SERPIND1: variants seen among roughly 807,000 people sequenced by gnomAD.
The protein encoded by SERPIND1 is heparin cofactor 2.
SERPIND1 carries 34 observed loss-of-function variants against 35.0 expected under a neutral mutation model. The observed-to-expected ratio is 0.97, with a 90% CI of 0.74 to 1.29. SERPIND1 has a LOEUF of 1.29. SERPIND1 is among the 50% of genes most tolerant of loss of function. SERPIND1 has a pLI of 0.00. For missense variants in SERPIND1, 633 were observed against 637.7 expected (o/e 0.99, Z 0.08); for synonymous variants, 236 against 241.1 (o/e 0.98, Z 0.19).
At chr22:20,777,390 G>C (rs2147467809) in intron 1 of SERPIND1, among the ~76,000 whole-genome samples, 1 of 152,094 alleles carries the variant, frequency 6.6e-6, no homozygotes, top group South Asian at 2.1e-4. Flanking sequence ...TAATTTTTTT[G>C]TATTTTTTGT....
rs1411402099 is a variant in SERPIND1, at chr22:20,780,029, A to T, written c.717A>T (p.Lys239Asn). The change falls in exon 2 of 5, where the codon AAA becomes AAT. Residue 239 changes from lysine (K) to asparagine (N), a missense_variant. By Grantham distance (94) the Lys-to-Asn change is moderately conservative. Transcript: ENST00000215727. The stretch of plus-strand genomic sequence containing the variant: ...CAATCCTGCTTGACTTCAAAACTAA[A>T]GTAAGAGAGTATTACTTTGCTGAGG... ...QFPILLDFKT[K>N]VREYYFAEAQ... 3 of 1,614,004 alleles carry T rather than the reference A, an allele frequency of 1.9e-6. No individual in the cohort carries two copies. Among genetic ancestry groups the T allele is most frequent in the African/African-American group, 2.7e-5 (2 of 74,922 alleles).
chr22:20,774,747 T>A (rs147209978), intron 1 of SERPIND1, among the ~76,000 whole-genome samples: 5 of 142,662 alleles, frequency 3.5e-5, no homozygotes, highest in African/African-American at 1.3e-4. Flanking sequence ...GACAACAGAG[T>A]TAGACTCCGT....
chr22:20,775,733 T>G (rs1355455594), intron 1 of SERPIND1, among the ~76,000 whole-genome samples: 1 of 152,178 alleles, frequency 6.6e-6, no homozygotes, highest in Non-Finnish European at 1.5e-5. Context: ...CAAGCGATCC[T>G]CCTGCCTTGG....
chr22:20,784,329 A>G, intron 3 of SERPIND1, 84 bp downstream of exon 3: 2 of 1,577,190 alleles, frequency 1.3e-6, no homozygotes, highest in Non-Finnish European at 1.7e-6. Flanking sequence ...CATTTTTTTA[A>G]AAAGGGAGAA....
intron 1 of SERPIND1, among the ~76,000 whole-genome samples, chr22:20,776,370 G>T (rs190115554): frequency 6.6e-6 from 1 of 152,102 alleles, no homozygotes; most frequent in Admixed American, 6.5e-5. Flanking sequence ...CTGTTTTCCC[G>T]TGTGTAAACT....
At chr22:20,774,775 A>AG (rs989991097) in intron 1 of SERPIND1, among the ~76,000 whole-genome samples, 3 of 148,164 alleles carry the variant, frequency 2.0e-5, no homozygotes, top group Admixed American at 6.8e-5. Flanking sequence ...AAAAAAAAAA[A>AG]GAAGAAAAAA....
chr22:20,783,869 C>A, intron 2 of SERPIND1, 103 bp from the exon 3 acceptor site: 1 of 1,499,226 alleles, frequency 6.7e-7, no homozygotes, highest in Non-Finnish European at 9.3e-7. Flanking sequence ...GCTCTGCAGG[C>A]TATCTGAATG....
At chr22:20,775,534 CTATCT>C (rs1419210285) in intron 1 of SERPIND1, among the ~76,000 whole-genome samples, 1 of 152,234 alleles carries the variant, frequency 6.6e-6, no homozygotes, top group Non-Finnish European at 1.5e-5. Flanking sequence ...CTCTGCCACT[CTATCT>C]GGCCTCAGAT....
chr22:20,779,053 T>C lies in SERPIND1; in HGVS notation c.-16-244T>C, dbSNP rs140596238. On this transcript the variant is annotated intron_variant, in intron 1 of 4. Transcript: ENST00000215727. Reference sequence around the variant, plus strand: ...TCTAGAAGGTTAGTTTTGCAAACCTTTAAAGAAGGGATTTTCATCAAGGGG... The same window carrying C: ...TCTAGAAGGTTAGTTTTGCAAACCTCTAAAGAAGGGATTTTCATCAAGGGG... The C allele has an allele frequency of 2.9e-4, 256 of 876,676 alleles. 3 individuals carry two copies. The East Asian group carries it at 7.9e-3, about 27-fold the overall frequency. The allele number at this position is 876,676 out of a possible 1,614,324, so 54.3% of individuals were successfully genotyped here.
At chr22:20,783,513 A>AG (rs1347454380) in intron 2 of SERPIND1, among the ~76,000 whole-genome samples, 1 of 150,948 alleles carries the variant, frequency 6.6e-6, no homozygotes, top group Non-Finnish European at 1.5e-5. Context: ...CTGGGGAGGG[A>AG]GGCTGAGGCA....
chr22:20,779,929 C>T lies in SERPIND1; in HGVS notation c.617C>T (p.Thr206Ile), dbSNP rs375270208. Residue 206 changes from threonine to isoleucine, a missense_variant, in exon 2 of 5, where the codon ACT becomes ATT. By Grantham distance (89) the Thr-to-Ile change is moderately conservative. Coordinates refer to ENST00000215727, the MANE Select transcript of SERPIND1 (RefSeq NM_000185.4). The part of the protein sequence containing the change: ...TTIHNLFRKL[T>I]HRLFRRNFGY... ...ATTCATAATCTCTTCCGTAAGCTGA[C>T]TCATCGCCTCTTCAGGAGGAATTTT... 1.2e-5 allele frequency: 20 copies of T among 1,614,102 alleles called. No individual in the cohort carries two copies. Among genetic ancestry groups the T allele is most frequent in the Non-Finnish European group, 1.7e-5 (20 of 1,180,048 alleles).
intron 4 of SERPIND1, among the ~76,000 whole-genome samples, chr22:20,786,547 A>G (rs546643388): frequency 1.3e-5 from 2 of 152,324 alleles, no homozygotes; most frequent in Non-Finnish European, 2.9e-5. Context: ...ACACCAGTCC[A>G]AACAGTGCAG....
intron 2 of SERPIND1, among the ~76,000 whole-genome samples, chr22:20,780,557 C>G (rs1933693040): frequency 6.6e-6 from 1 of 152,094 alleles, no homozygotes; most frequent in African/African-American, 2.4e-5. Flanking sequence ...CACTTGAGGT[C>G]AGGAGTTCGA....
Position 20,786,960 on chromosome 22 carries a change from C to A in SERPIND1, c.1394C>A (p.Thr465Asn), listed in dbSNP as rs1934289632. ...ACGGTGGGGTTCATGCCGCTGTCCA[C>A]CCAAGTCCGCTTCACTGTCGACCGC... The part of the protein sequence containing the change: ...VTTVGFMPLS[T>N]QVRFTVDRPF... The change falls in exon 5 of 5, where the codon ACC becomes AAC. Residue 465 changes from threonine to asparagine, a missense_variant. By Grantham distance (65) the Thr-to-Asn change is moderately conservative. Coordinates refer to ENST00000215727, the MANE Select transcript of SERPIND1 (RefSeq NM_000185.4). 1 of 1,614,196 alleles carries A rather than the reference C, an allele frequency of 6.2e-7. No homozygotes were observed. Among genetic ancestry groups the A allele is most frequent in the African/African-American group, 1.3e-5 (1 of 75,054 alleles).
In SERPIND1 at chr22:20,787,310, T is replaced by C. The variant is rs537763191; in HGVS notation, c.*244T>C. The C allele has an allele frequency of 1.9e-6, 1 of 535,902 alleles. No individual in the cohort carries two copies. The highest frequency in any genetic ancestry group is 1.9e-5 in the African/African-American group (1 of 52,604). 33.2% of individuals were successfully genotyped at this position (535,902 alleles called of 1,614,324 possible). On this transcript the variant is annotated 3_prime_UTR_variant, in exon 5 of 5. Coordinates refer to ENST00000215727, the MANE Select transcript of SERPIND1 (RefSeq NM_000185.4). ...TAACTGTAGTGTGTCTGCTGTTACC[T>C]AGAGGGTCTCACCTCCCCACTCTTC...
At chr22:20,779,074 A>G in intron 1 of SERPIND1, 1 of 1,030,514 alleles carries the variant, frequency 9.7e-7, no homozygotes, top group Non-Finnish European at 1.4e-6. Flanking sequence ...ATTTTCATCA[A>G]GGGGCCCACA....
At position 20,787,104 on chromosome 22, in the gene SERPIND1, C is replaced by T. The variant is rs55796662; in HGVS notation, c.*38C>T. ...AGGTGTCTGAAGTGCCTTGGGGGCA[C>T]CCTCATTTTGTTTCCATTCCAACAA... is the stretch of plus-strand genomic sequence containing the variant. On this transcript the variant is annotated 3_prime_UTR_variant, in exon 5 of 5. Transcript: ENST00000215727. The T allele has an allele frequency of 0.036, 55,703 of 1,566,640 alleles. 1,161 individuals carry two copies. Among genetic ancestry groups the T allele is most frequent in the Middle Eastern group, 0.063 (347 of 5,542 alleles).
At position 20,786,111 on chromosome 22, in the gene SERPIND1, T is replaced by C. The variant is rs1934201163; in HGVS notation, c.1271T>C (p.Met424Thr). The change falls in exon 4 of 5, where the codon ATG becomes ACG. Residue 424 changes from methionine to threonine, a missense_variant. Physicochemically the swap from Met to Thr is moderately conservative, Grantham distance 81 (BLOSUM62 -1). Coordinates refer to ENST00000215727, the MANE Select transcript of SERPIND1 (RefSeq NM_000185.4). ...ATGCTGTTTGACAAAAATGGCAACATGGCAGGCATCTCAGACCAAAGGATC... is the reference window on the plus strand; with the variant it reads ...ATGCTGTTTGACAAAAATGGCAACACGGCAGGCATCTCAGACCAAAGGATC... Reference protein sequence around the residue: ...IRMLFDKNGNMAGISDQRIAI... With the variant: ...IRMLFDKNGNTAGISDQRIAI... 1.9e-6 allele frequency: 3 copies of C among 1,614,088 alleles called. No homozygotes were observed. The highest frequency in any genetic ancestry group is 1.1e-5 in the South Asian group (1 of 91,078).
chr22:20,784,414 G>C, intron 3 of SERPIND1, among the ~76,000 whole-genome samples, 169 bp downstream of exon 3: 1 of 152,156 alleles, frequency 6.6e-6, no homozygotes, highest in East Asian at 1.9e-4. Context: ...CTTGAGATAA[G>C]AGATGATTAG....
Sources: gnomAD v4.1 joint callset for allele counts (sites outside exome capture counted in the v4.1 genomes callset) on GRCh38, gnomAD v4.1.1 for gene constraint, MANE v1.5 for transcripts, NCBI Gene and HGNC (gene_info 2026-07-23, HGNC 2026-07-21) for gene names.